PHF24: variants seen among roughly 807,000 people sequenced by gnomAD.
PHF24 encodes the protein Galpha inhibitory interacting protein.
A neutral mutation model predicts 42.6 loss-of-function variants in PHF24; 25 were observed. That is an observed-to-expected ratio of 0.59 (90% CI 0.43 to 0.82). The LOEUF is 0.82. PHF24 is among the 40% of genes least tolerant of loss of function. The probability of loss-of-function intolerance (pLI) is 0.00; values close to 1 mark genes in which losing one functional copy is unlikely to be tolerated. For missense variants in PHF24, 470 were observed against 538.1 expected (o/e 0.87, Z 1.25); for synonymous variants, 185 against 204.8 (o/e 0.90, Z 0.83).
the PHF24 span, among the ~76,000 whole-genome samples, chr9:34,799,778 T>A: frequency 6.6e-6 from 1 of 152,140 alleles, no homozygotes. Context: ...AGAGTCACTA[T>A]ATCATATATA....
chr9:34,893,827 C>T, the PHF24 span, among the ~76,000 whole-genome samples: 2 of 152,076 alleles, frequency 1.3e-5, no homozygotes, highest in Non-Finnish European at 2.9e-5. Context: ...AGTTAGAACC[C>T]GGATCAGTCT....
At chr9:34,722,588 TCTTGGC>T in the PHF24 span, among the ~76,000 whole-genome samples, 19 of 152,344 alleles carry the variant, frequency 1.2e-4, no homozygotes, top group African/African-American at 4.3e-4. Flanking sequence ...TTTGCATAGT[TCTTGGC>T]ACGTAATAAA....
chr9:34,758,986 G>A, the PHF24 span, among the ~76,000 whole-genome samples: 3 of 152,032 alleles, frequency 2.0e-5, no homozygotes, highest in Non-Finnish European at 4.4e-5. This position sits in a 1 kb window ranked among gnomAD's most constrained non-coding sequence, Gnocchi z 4.4. Flanking sequence ...CACCACAGGC[G>A]CATCTCCACT....
the PHF24 span, among the ~76,000 whole-genome samples, chr9:34,897,028 C>A: frequency 2.0e-5 from 3 of 152,174 alleles, 1 homozygote; most frequent in South Asian, 6.2e-4. Context: ...TAGTGCTGGG[C>A]ACCTGTAATC....
At chr9:34,836,499 G>A in the PHF24 span, among the ~76,000 whole-genome samples, 40,811 of 152,138 alleles carry the variant, frequency 0.27, 6,825 homozygotes, top group East Asian at 0.54. Flanking sequence ...TGAGGTTTAT[G>A]TGGTACTTAT....
At chr9:34,795,140 G>C in the PHF24 span, among the ~76,000 whole-genome samples, 1 of 151,996 alleles carries the variant, frequency 6.6e-6, no homozygotes, top group East Asian at 1.9e-4. Flanking sequence ...TTTCTCATCA[G>C]AAATCATGGA....
the PHF24 span, among the ~76,000 whole-genome samples, chr9:34,843,956 T>C: frequency 6.6e-6 from 1 of 152,276 alleles, no homozygotes; most frequent in Non-Finnish European, 1.5e-5. Flanking sequence ...GACTTTTTAT[T>C]ACTGTTTCAA....
the PHF24 span, among the ~76,000 whole-genome samples, chr9:34,847,351 T>G: frequency 2.6e-5 from 4 of 152,240 alleles, no homozygotes; most frequent in African/African-American, 9.7e-5. Flanking sequence ...TATTTTATTC[T>G]CTTTGAAGCA....
chr9:34,922,765 C>T, the PHF24 span: 6 of 1,592,216 alleles, frequency 3.8e-6, no homozygotes, highest in East Asian at 1.3e-4. Flanking sequence ...CTACGGGCTC[C>T]TACAACATTT....
chr9:34,889,925 G>A, the PHF24 span, among the ~76,000 whole-genome samples: 4 of 152,070 alleles, frequency 2.6e-5, no homozygotes, highest in Admixed American at 6.6e-5. Flanking sequence ...GAGGTTATTC[G>A]GCTTACTCTA....
chr9:34,929,754 G>T, the PHF24 span, among the ~76,000 whole-genome samples: 3 of 152,190 alleles, frequency 2.0e-5, no homozygotes, highest in African/African-American at 7.2e-5. Flanking sequence ...AGAATTCACT[G>T]CTGCAAGTAT....
the PHF24 span, among the ~76,000 whole-genome samples, chr9:34,777,475 G>A: frequency 6.6e-6 from 1 of 152,184 alleles, no homozygotes; most frequent in Non-Finnish European, 1.5e-5. Context: ...CGAGGGCAGT[G>A]AAGTTGGGCA....
At chr9:34,699,536 T>C in the PHF24 span, among the ~76,000 whole-genome samples, 1 of 152,224 alleles carries the variant, frequency 6.6e-6, no homozygotes, top group Non-Finnish European at 1.5e-5. Context: ...ATTAACCCTT[T>C]TTGAGCATGC....
At chr9:34,909,850 ATCTTCTG>A in the PHF24 span, among the ~76,000 whole-genome samples, 2 of 152,040 alleles carry the variant, frequency 1.3e-5, no homozygotes, top group South Asian at 4.2e-4. Flanking sequence ...TCTGGATCTC[ATCTTCTG>A]ACCTCGTGAT....
At chr9:34,805,059 A>G in the PHF24 span, among the ~76,000 whole-genome samples, 6 of 152,238 alleles carry the variant, frequency 3.9e-5, no homozygotes, top group South Asian at 2.1e-4. Context: ...TAATGGCTGA[A>G]TAATATTCCA....
At chr9:34,670,166 G>A in the PHF24 span, among the ~76,000 whole-genome samples, 1 of 152,172 alleles carries the variant, frequency 6.6e-6, no homozygotes, top group Admixed American at 6.5e-5. Context: ...TTCATCCTGT[G>A]TGTCTTTTCA....
the PHF24 span, among the ~76,000 whole-genome samples, chr9:34,668,048 A>G: frequency 6.6e-6 from 1 of 152,340 alleles, no homozygotes; most frequent in South Asian, 2.1e-4. Flanking sequence ...AGGAGGTAGC[A>G]GAAGGCACCA....
chr9:34,755,243 G>T, the PHF24 span, among the ~76,000 whole-genome samples: 3 of 152,182 alleles, frequency 2.0e-5, no homozygotes, highest in Admixed American at 6.5e-5. Flanking sequence ...ATAAATGCTT[G>T]AAGTGATGGA....
chr9:34,750,557 T>G, the PHF24 span, among the ~76,000 whole-genome samples: 1 of 151,742 alleles, frequency 6.6e-6, no homozygotes, highest in South Asian at 2.1e-4. Flanking sequence ...GGGTATGAAG[T>G]TAAAATACAG....
Sources: allele counts gnomAD v4.1 joint callset (sites outside exome capture counted in the v4.1 genomes callset), GRCh38; gene constraint gnomAD v4.1.1; non-coding constraint Gnocchi (gnomAD v3.1); transcripts MANE v1.5; gene names NCBI Gene and HGNC (gene_info 2026-07-23, HGNC 2026-07-21).